XIRP2: variants seen among roughly 807,000 people sequenced by gnomAD.
The protein encoded by XIRP2 is xin actin-binding repeat-containing protein 2.
Under a neutral mutation model 277.0 loss-of-function variants are expected in XIRP2, and 236 were observed. The observed-to-expected ratio is 0.85, with a 90% CI of 0.77 to 0.95. The LOEUF is 0.95. Among genes scored for constraint, XIRP2 ranks in the 40% least tolerant of loss-of-function variants. The pLI, the probability that XIRP2 is intolerant of heterozygous loss-of-function variation, is 0.00. For missense variants in XIRP2, 4,640 were observed against 4,157.5 expected (o/e 1.12, Z -3.19); for synonymous variants, 1,490 against 1,416.5 (o/e 1.05, Z -1.17).
At chr2:166,979,125 T>C (rs933794304) in intron 2 of XIRP2, among the ~76,000 whole-genome samples, 2 of 152,184 alleles carry the variant, frequency 1.3e-5, no homozygotes, top group African/African-American at 4.8e-5. Flanking sequence ...ACAGTTAATC[T>C]TTATGCCTTT....
At chr2:166,959,868 C>T (rs1686257430) in intron 2 of XIRP2, among the ~76,000 whole-genome samples, 1 of 151,560 alleles carries the variant, frequency 6.6e-6, no homozygotes, top group Non-Finnish European at 1.5e-5. Flanking sequence ...ACAAAGCTGA[C>T]CTAGTGGAAC....
At chr2:167,218,765 C>T (rs897639385) in intron 5 of XIRP2, among the ~76,000 whole-genome samples, 4 of 152,030 alleles carry the variant, frequency 2.6e-5, no homozygotes, top group Non-Finnish European at 5.9e-5. Flanking sequence ...AATAGTAGAG[C>T]CCAGATGTTA....
chr2:167,126,295 G>A (rs558716906), intron 2 of XIRP2, among the ~76,000 whole-genome samples: 2 of 152,134 alleles, frequency 1.3e-5, no homozygotes, highest in South Asian at 2.1e-4. Flanking sequence ...GCTTCCAAGA[G>A]GCAGGAAGCA....
chr2:167,182,764 T>A (rs917205258), intron 3 of XIRP2, among the ~76,000 whole-genome samples: 10 of 152,184 alleles, frequency 6.6e-5, no homozygotes, highest in Non-Finnish European at 1.3e-4. Flanking sequence ...ATCACCTAAT[T>A]AAATTGCTGG....
At chr2:167,096,130 C>A (rs1346116206) in intron 2 of XIRP2, among the ~76,000 whole-genome samples, 1 of 151,762 alleles carries the variant, frequency 6.6e-6, no homozygotes, top group Non-Finnish European at 1.5e-5. Context: ...ATGGTGCCAG[C>A]TCCTCTTTGT....
chr2:166,955,691 G>A (rs899696992), intron 2 of XIRP2, among the ~76,000 whole-genome samples: 2 of 151,604 alleles, frequency 1.3e-5, no homozygotes. Context: ...CTATACCCTC[G>A]TAAAATGTCA....
intron 2 of XIRP2, among the ~76,000 whole-genome samples, chr2:166,985,339 T>C (rs898908667): frequency 6.6e-6 from 1 of 152,242 alleles, no homozygotes; most frequent in African/African-American, 2.4e-5. Context: ...AAACATGCCA[T>C]TGATTTTTAC....
chr2:166,965,709 A>G (rs1304469012), intron 2 of XIRP2, among the ~76,000 whole-genome samples: 1 of 151,748 alleles, frequency 6.6e-6, no homozygotes. Flanking sequence ...TCAGCTTCCC[A>G]AGTAGCTGGG....
intron 3 of XIRP2, among the ~76,000 whole-genome samples, chr2:167,183,151 C>T (rs1164958377): frequency 6.6e-6 from 1 of 152,236 alleles, no homozygotes; most frequent in Non-Finnish European, 1.5e-5. Context: ...AGTAGAAGGG[C>T]TTTGTATATG....
intron 2 of XIRP2, among the ~76,000 whole-genome samples, chr2:167,010,025 C>G (rs952917584): frequency 2.6e-5 from 4 of 152,034 alleles, no homozygotes; most frequent in Non-Finnish European, 5.9e-5. Flanking sequence ...TGCCTGTTCA[C>G]GCTGATGGTA....
chr2:167,251,707 TCA>T lies in XIRP2; in HGVS notation c.10318_10319del (p.His3440Ter), dbSNP rs1695509626. On this transcript the variant is annotated frameshift_variant, in exon 9 of 11. Transcript: ENST00000409195. LOFTEE classifies it high-confidence loss of function. The part of the protein sequence containing the change: ...IVESKMKTSS[S>X]HSSEAGKSGC... ...TGAGTCGAAGATGAAAACCTCTTCA[TCA>T]CATAGCTCAGAAGCTGGCAAATCTG... 4 of 1,613,208 alleles carry T rather than the reference TCA, an allele frequency of 2.5e-6. No individual in the cohort carries two copies. The Admixed American group carries it at 6.7e-5, about 27-fold the overall frequency.
In XIRP2 at chr2:167,239,859, C is replaced by A; in HGVS notation, c.863C>A (p.Ala288Glu). ...YQHQNRSEQE[A>E]IHSSQVGTSR... ...TGTCTGTCTGTGTGCTTTCAGGAGG[C>A]AATTCATAGCAGCCAGGTTGGCACT... is the stretch of plus-strand genomic sequence containing the variant. The change falls in exon 6 of 11, where the codon GCA (alanine) becomes GAA (glutamate). Residue 288 changes from alanine to glutamate, a missense_variant. Ala to Glu is a moderately radical substitution (Grantham distance 107). Coordinates refer to ENST00000409195, the MANE Select transcript of XIRP2 (RefSeq NM_152381.6). 2 of 1,605,404 alleles carry A rather than the reference C, an allele frequency of 1.2e-6. No individual in the cohort carries two copies. The highest frequency in any genetic ancestry group is 1.7e-6 in the Non-Finnish European group (2 of 1,177,000).
At chr2:166,919,858 T>C (rs1684990580) in intron 2 of XIRP2, among the ~76,000 whole-genome samples, 1 of 152,186 alleles carries the variant, frequency 6.6e-6, no homozygotes, top group African/African-American at 2.4e-5. Context: ...CTACTGCACA[T>C]ATATCATTTA....
At chr2:166,997,226 T>C (rs1687244863) in intron 2 of XIRP2, among the ~76,000 whole-genome samples, 1 of 152,210 alleles carries the variant, frequency 6.6e-6, no homozygotes, top group South Asian at 2.1e-4. Flanking sequence ...CCTTTTATTC[T>C]TTACTACATT....
chr2:167,136,827 G>A (rs1386688877), intron 3 of XIRP2, among the ~76,000 whole-genome samples: 1 of 152,130 alleles, frequency 6.6e-6, no homozygotes, highest in African/African-American at 2.4e-5. Flanking sequence ...TGGAATATTT[G>A]TAGCAAACTG....
At chr2:167,037,091 C>A (rs988121653) in intron 2 of XIRP2, among the ~76,000 whole-genome samples, 3 of 152,066 alleles carry the variant, frequency 2.0e-5, no homozygotes, top group African/African-American at 7.2e-5. Flanking sequence ...ATACAAGACC[C>A]CAATTCAATA....
chr2:166,906,627 T>G (rs1684531622), intron 2 of XIRP2, among the ~76,000 whole-genome samples: 1 of 152,020 alleles, frequency 6.6e-6, no homozygotes, highest in African/African-American at 2.4e-5. Flanking sequence ...GACAAACATT[T>G]ATTACTAGAA....
At chr2:167,054,684 A>C (rs1688998882) in intron 2 of XIRP2, among the ~76,000 whole-genome samples, 1 of 63,252 alleles carries the variant, frequency 1.6e-5, no homozygotes, top group Non-Finnish European at 2.8e-5. Flanking sequence ...ACTCAGTCGC[A>C]AAAAAAAAAA....
rs564941881 is a variant in XIRP2, at chr2:167,017,840, A to G, written c.408+113950A>G. 2.6e-5 allele frequency among the ~76,000 whole-genome samples: 4 copies of G among 152,178 alleles called. No homozygotes were observed. The South Asian group carries it at 6.2e-4, about 24-fold the overall frequency. Reference sequence around the variant, plus strand: ...CTCCAGTACCAACATCTTCGGGAACATTAATCCAGATGTCCCAGCCCATAT... The same window carrying G: ...CTCCAGTACCAACATCTTCGGGAACGTTAATCCAGATGTCCCAGCCCATAT... On this transcript the variant is annotated intron_variant, in intron 2 of 10. Transcript: ENST00000409195.
Sources: gnomAD v4.1 joint callset for allele counts (sites outside exome capture counted in the v4.1 genomes callset) on GRCh38, gnomAD v4.1.1 for gene constraint, MANE v1.5 for transcripts, NCBI Gene and HGNC (gene_info 2026-07-23, HGNC 2026-07-21) for gene names.